Variants in BST1 observed in about 807,000 individuals in gnomAD.
BST1 encodes bone marrow stromal cell antigen 1, also known as ADP-ribosyl cyclase/cyclic ADP-ribose hydrolase 2.
In BST1, 49 loss-of-function variants were observed where a neutral mutation model predicts 40.6. The ratio of observed to expected loss-of-function variants is 1.21; its 90% CI spans 0.96 to 1.53. The LOEUF is 1.53. BST1 is among the 40% of genes most tolerant of loss of function. The probability of loss-of-function intolerance (pLI) is 0.00; values close to 1 mark genes in which losing one functional copy is unlikely to be tolerated. For missense variants in BST1, 423 were observed against 395.9 expected, an observed-to-expected ratio of 1.07 and a Z score of -0.58; for synonymous variants, 157 against 159.3, an observed-to-expected ratio of 0.99 and a Z score of 0.11.
chr4:15,738,089 G>A, exon 7 of BST1: 1 of 236,524 alleles, frequency 4.2e-6, no homozygotes, highest in Non-Finnish European at 8.7e-6. Flanking sequence ...CACCAAGGGT[G>A]AACCCTCAGG....
At chr4:15,725,469 G>A (rs1029433193) in intron 8 of BST1, among the ~76,000 whole-genome samples, 6 of 152,168 alleles carry the variant, frequency 3.9e-5, no homozygotes, top group African/African-American at 1.2e-4. Flanking sequence ...GTAAAGGATA[G>A]CCTGTGAACC....
downstream of BST1, among the ~76,000 whole-genome samples, chr4:15,733,603 C>T (rs978207831): frequency 1.3e-5 from 2 of 152,190 alleles, no homozygotes; most frequent in African/African-American, 4.8e-5. Context: ...GCTGGGGAGG[C>T]CTCAGGAAAC....
At chr4:15,755,380 G>A in the BST1 span, among the ~76,000 whole-genome samples, 10 of 152,096 alleles carry the variant, frequency 6.6e-5, no homozygotes, top group East Asian at 1.9e-4. Context: ...CTCTTGATCC[G>A]CCCGCCTTGG....
At chr4:15,731,312 C>A in intron 8 of BST1, 1 of 513,014 alleles carries the variant, frequency 1.9e-6, no homozygotes. Context: ...GCATCATACT[C>A]TTGGCCAGTT....
intron 6 of BST1, among the ~76,000 whole-genome samples, chr4:15,718,286 C>T (rs1720621515): frequency 6.6e-6 from 1 of 151,862 alleles, no homozygotes; most frequent in Non-Finnish European, 1.5e-5. Flanking sequence ...TATACACACA[C>T]ACACAGAGAC....
downstream of BST1, among the ~76,000 whole-genome samples, chr4:15,739,548 C>G (rs1250318934): frequency 2.3e-5 from 3 of 128,224 alleles, no homozygotes; most frequent in East Asian, 2.4e-4. Context: ...TGTTAAGAAG[C>G]CAAACCGTGT....
At chr4:15,736,120 C>T (rs928986965), downstream of BST1, 5 of 1,288,702 alleles carry the variant, frequency 3.9e-6, no homozygotes, top group Non-Finnish European at 3.0e-6. Flanking sequence ...CCGGTTCTAG[C>T]CTTTGTACAA....
At chr4:15,760,332 A>C in the BST1 span, among the ~76,000 whole-genome samples, 2 of 151,740 alleles carry the variant, frequency 1.3e-5, no homozygotes, top group African/African-American at 4.9e-5. Flanking sequence ...TTCATCAATT[A>C]AGGATATTTG....
At chr4:15,737,793 G>A in exon 7 of BST1, 1 of 1,279,054 alleles carries the variant, frequency 7.8e-7, no homozygotes, top group Non-Finnish European at 1.0e-6. Context: ...ACAGGAAACT[G>A]TGGGAACCAT....
intron 8 of BST1, among the ~76,000 whole-genome samples, chr4:15,727,183 A>G (rs58335439): frequency 0.087 from 13,270 of 152,190 alleles, 1,219 homozygotes; most frequent in East Asian, 0.52. Context: ...CAAAACGGAG[A>G]TTTGTCTGTG....
the BST1 span, among the ~76,000 whole-genome samples, chr4:15,762,579 C>G: frequency 2.0e-5 from 3 of 151,962 alleles, no homozygotes; most frequent in African/African-American, 4.9e-5. Context: ...TACTTTTTGA[C>G]CATTTCACCA....
At chr4:15,722,490 C>T (rs1176164881) in intron 7 of BST1, among the ~76,000 whole-genome samples, 1 of 152,042 alleles carries the variant, frequency 6.6e-6, no homozygotes, top group East Asian at 1.9e-4. Flanking sequence ...TGCAGTGGTG[C>T]GATCATAGCT....
chr4:15,771,118 T>G, the BST1 span, among the ~76,000 whole-genome samples: 1 of 152,218 alleles, frequency 6.6e-6, no homozygotes, highest in Admixed American at 6.5e-5. Flanking sequence ...ATGCCATTTT[T>G]CAAGCCTCAG....
downstream of BST1, among the ~76,000 whole-genome samples, chr4:15,739,969 G>T (rs1177997881): frequency 2.6e-5 from 4 of 152,036 alleles, no homozygotes; most frequent in African/African-American, 9.7e-5. Flanking sequence ...CAGAGAAAGA[G>T]AGGGAAGAAG....
chr4:15,714,156 C>A (rs1443169949), intron 4 of BST1, among the ~76,000 whole-genome samples: 2 of 152,184 alleles, frequency 1.3e-5, no homozygotes, highest in African/African-American at 4.8e-5. Context: ...CAGGTATTGG[C>A]ATTTAAGAAT....
At chr4:15,757,140 G>A in the BST1 span, among the ~76,000 whole-genome samples, 6 of 152,064 alleles carry the variant, frequency 3.9e-5, no homozygotes, top group South Asian at 8.3e-4. Context: ...CCTTCTCATA[G>A]CTTGTCTCTA....
the BST1 span, among the ~76,000 whole-genome samples, chr4:15,746,272 C>T: frequency 4.6e-5 from 7 of 152,238 alleles, no homozygotes; most frequent in Non-Finnish European, 1.0e-4. Flanking sequence ...ATGATGAAAT[C>T]ACCACACTGT....
chr4:15,737,258 C>T (rs1204563557), downstream of BST1, among the ~76,000 whole-genome samples: 1 of 152,238 alleles, frequency 6.6e-6, no homozygotes, highest in African/African-American at 2.4e-5. Flanking sequence ...ATCTGCAATA[C>T]AGCACTCTCT....
the BST1 span, among the ~76,000 whole-genome samples, chr4:15,747,329 C>T: frequency 1.3e-5 from 2 of 152,202 alleles, no homozygotes; most frequent in African/African-American, 4.8e-5. Context: ...GTTTGCCATG[C>T]TGCCTTTATG....
Sources: allele counts gnomAD v4.1 joint callset (sites outside exome capture counted in the v4.1 genomes callset), GRCh38; gene constraint gnomAD v4.1.1; transcripts MANE v1.5; gene names NCBI Gene and HGNC (gene_info 2026-07-23, HGNC 2026-07-21).